The following MATR3 variants were observed in gnomAD, a reference collection of about 807,000 sequenced individuals.
MATR3 encodes the protein matrin 3.
In MATR3, 4 loss-of-function variants were observed where a neutral mutation model predicts 85.5. That is an observed-to-expected ratio of 0.05 (90% confidence interval 0.02 to 0.11). MATR3 has a LOEUF of 0.11. Ranked by LOEUF, MATR3 falls within the 10% of genes least tolerant of loss-of-function variation. MATR3 has a pLI of 1.00. For missense variants in MATR3, 685 were observed against 1,016.1 expected (o/e 0.67, Z 4.43); for synonymous variants, 336 against 343.1 (o/e 0.98, Z 0.23).
rs113278225 is a variant in MATR3, at chr5:139,297,087, G to T, written c.-178+3282G>T. Among the ~76,000 whole-genome samples the T allele has an allele frequency of 4.8e-4, 73 of 152,276 alleles. No homozygotes were observed. In the East Asian group the frequency reaches 8.5e-3, roughly 18 times the overall value. On this transcript the variant is annotated intron_variant, in intron 1 of 14. Transcript: ENST00000394805. ...AGCTACTTGGGAGGGTGAGGGAGGA[G>T]AAATCACTTGAACCCAGGAGGCGGA...
upstream of MATR3, among the ~76,000 whole-genome samples, chr5:139,290,711 A>G (rs1309626170): frequency 6.6e-6 from 1 of 152,016 alleles, no homozygotes; most frequent in Non-Finnish European, 1.5e-5. Flanking sequence ...TTAGCCTTCC[A>G]AAGTGCTGGG....
Position 139,330,028 on chromosome 5 carries a change from G to A in MATR3, c.*633G>A, listed in dbSNP as rs2152035223. On this transcript the variant is annotated 3_prime_UTR_variant, in exon 15 of 15. Transcript: ENST00000394805. Reference sequence around the variant, plus strand: ...AGTTCCTGCTAGATTTCGTATTCTAGTAGTCAATGTATTTTCAGTGAAATG... The same window carrying A: ...AGTTCCTGCTAGATTTCGTATTCTAATAGTCAATGTATTTTCAGTGAAATG... 1 of 454,238 alleles carries A rather than the reference G, an allele frequency of 2.2e-6. No individual in the cohort carries two copies. Among genetic ancestry groups the A allele is most frequent in the East Asian group, 7.0e-5 (1 of 14,386 alleles). 28.1% of individuals were successfully genotyped at this position (454,238 alleles called of 1,614,324 possible). A position where few individuals can be genotyped will look rare whatever the true frequency, so the allele number is the denominator to read the frequency against.
At chr5:139,298,064 G>A (rs892747228) in intron 1 of MATR3, among the ~76,000 whole-genome samples, 10 of 152,262 alleles carry the variant, frequency 6.6e-5, no homozygotes, top group Non-Finnish European at 1.5e-4. Flanking sequence ...ATTAATATTA[G>A]GGAGCAGTAT....
intron 12 of MATR3, among the ~76,000 whole-genome samples, chr5:139,324,929 C>T (rs187958070): frequency 1.3e-3 from 191 of 152,106 alleles, no homozygotes; most frequent in African/African-American, 4.5e-3. Flanking sequence ...CGGTGGCTCA[C>T]GCCTGTAATC....
At position 139,322,094 on chromosome 5, in the gene MATR3, C is replaced by A. The variant is rs537683962; in HGVS notation, c.1734+65C>A. On this transcript the variant is annotated intron_variant, in intron 10 of 14. Transcript: ENST00000394805. ...TTTACATATTTAAAGCCACAACATT[C>A]TTTTAAACATTTTTGTATGCTAAAA... 3.0e-5 allele frequency: 46 copies of A among 1,536,090 alleles called. No homozygotes were observed. In the African/African-American group the frequency reaches 6.0e-4, roughly 20 times the overall value.
chr5:139,278,198 C>G (rs1162190091), intron 2 of MATR3: 1 of 284,312 alleles, frequency 3.5e-6, no homozygotes, highest in Non-Finnish European at 7.2e-6. Context: ...TGCCACTGCA[C>G]TCAGTCTAGA....
chr5:139,300,497 G>T (rs764987188), intron 1 of MATR3, among the ~76,000 whole-genome samples: 12 of 152,116 alleles, frequency 7.9e-5, no homozygotes, highest in Non-Finnish European at 1.2e-4. Context: ...TTATTCATTT[G>T]TCTTTGGATC....
chr5:139,298,789 G>A (rs1754291966), intron 1 of MATR3, among the ~76,000 whole-genome samples: 1 of 152,140 alleles, frequency 6.6e-6, no homozygotes, highest in Admixed American at 6.5e-5. Context: ...AAGTTTTGCA[G>A]TTTTGCACCA....
intron 9 of MATR3, among the ~76,000 whole-genome samples, chr5:139,320,163 G>T (rs1040205860): frequency 6.6e-6 from 1 of 151,672 alleles, no homozygotes; most frequent in African/African-American, 2.4e-5. Context: ...AAAAAAATTA[G>T]CTGGGCGTGG....
At chr5:139,293,122 T>C (rs533803442), upstream of MATR3, among the ~76,000 whole-genome samples, 139 of 152,036 alleles carry the variant, frequency 9.1e-4, no homozygotes, top group African/African-American at 3.3e-3. Flanking sequence ...TAGCTGGCCA[T>C]GGTGGTGCGA....
rs550305352 is a variant in MATR3, at chr5:139,319,888, T to A, written c.1602+387T>A. 4.9e-3 allele frequency among the ~76,000 whole-genome samples: 526 copies of A among 106,352 alleles called. 2 individuals are homozygous for A. The highest frequency in any genetic ancestry group is 7.8e-3 in the East Asian group (23 of 2,930). The allele number at this position is 106,352 out of a possible 152,430, so 69.8% of individuals were successfully genotyped here. The stretch of plus-strand genomic sequence containing the variant: ...TTTTTTTTTTTTTTTTTTTTTTTTT[T>A]AAAGTATATCCCTATTTTTAGTGAT... On this transcript the variant is annotated intron_variant, in intron 9 of 14. Coordinates refer to ENST00000394805, the MANE Select transcript of MATR3 (RefSeq NM_018834.6).
At chr5:139,293,202 A>G (rs1358384955), upstream of MATR3, 2 of 152,170 alleles carry the variant, frequency 1.3e-5, no homozygotes, top group Non-Finnish European at 2.9e-5. Context: ...CGAGGCTGCA[A>G]TGAGCCATGA....
intron 9 of MATR3, chr5:139,321,681 G>A (rs1755579333): frequency 1.8e-6 from 1 of 559,520 alleles, no homozygotes; most frequent in Admixed American, 3.1e-5. Flanking sequence ...CTACTGGGGG[G>A]CTAAGGTGGG....
intron 1 of MATR3, among the ~76,000 whole-genome samples, chr5:139,295,767 G>T (rs1754115245): frequency 6.6e-6 from 1 of 152,138 alleles, no homozygotes; most frequent in African/African-American, 2.4e-5. Context: ...CAGATAGGTC[G>T]TGACCAGTTG....
intron 2 of MATR3, among the ~76,000 whole-genome samples, chr5:139,277,140 T>C (rs1341406305): frequency 1.3e-5 from 2 of 151,614 alleles, no homozygotes; most frequent in African/African-American, 4.8e-5. Context: ...CAGATAATTT[T>C]TTTTTTTTTA....
Position 139,330,877 on chromosome 5 carries a change from A to G in MATR3, c.*1482A>G, listed in dbSNP as rs79616595. On this transcript the variant is annotated 3_prime_UTR_variant, in exon 15 of 15. Transcript: ENST00000394805. Reference sequence around the variant, plus strand: ...CAGTGGCACAGTTCTCTGCAACCTCAGCCTTTGGGCTCAAATGACCCTCCT... The same window carrying G: ...CAGTGGCACAGTTCTCTGCAACCTCGGCCTTTGGGCTCAAATGACCCTCCT... The G allele has an allele frequency of 2.2e-6, 1 of 453,796 alleles. No individual in the cohort carries two copies. Among genetic ancestry groups the G allele is most frequent in the Non-Finnish European group, 4.4e-6 (1 of 226,718 alleles). 28.1% of individuals were successfully genotyped at this position (453,796 alleles called of 1,614,324 possible). A position where few individuals can be genotyped will look rare whatever the true frequency, so the allele number is the denominator to read the frequency against.
chr5:139,293,725 G>A, upstream of MATR3: 1 of 361,772 alleles, frequency 2.8e-6, no homozygotes, highest in Non-Finnish European at 4.9e-6. Context: ...CAGCGCCGTT[G>A]CTGCGGGGGA....
chr5:139,315,413 G>T, intron 3 of MATR3: 1 of 355,688 alleles, frequency 2.8e-6, no homozygotes, highest in Non-Finnish European at 5.2e-6. Context: ...CTAATTCTTT[G>T]TGCGGCACTT....
rs1756081480 is a variant in MATR3, at chr5:139,330,419, T to C, written c.*1024T>C. 4.4e-6 allele frequency: 2 copies of C among 454,382 alleles called. No individual in the cohort carries two copies. The highest frequency in any genetic ancestry group is 8.8e-6 in the Non-Finnish European group (2 of 226,766). 28.1% of individuals were successfully genotyped at this position (454,382 alleles called of 1,614,324 possible). A position where few individuals can be genotyped will look rare whatever the true frequency, so the allele number is the denominator to read the frequency against. The stretch of plus-strand genomic sequence containing the variant: ...AACCCTAGGCCATGTTAATTGGTTA[T>C]ACATGTTTGGAATGTTAACCAACGT... On this transcript the variant is annotated 3_prime_UTR_variant, in exon 15 of 15. Transcript: ENST00000394805.
Sources: gnomAD v4.1 joint callset for allele counts (sites outside exome capture counted in the v4.1 genomes callset) on GRCh38, gnomAD v4.1.1 for gene constraint, MANE v1.5 for transcripts, NCBI Gene and HGNC (gene_info 2026-07-23, HGNC 2026-07-21) for gene names.